The following AMZ1 variants were observed in gnomAD, a reference collection of about 807,000 sequenced individuals.
AMZ1 encodes the protein archaelysin family metallopeptidase 1, also known as archaemetzincin-1.
Under a neutral mutation model 29.9 loss-of-function variants are expected in AMZ1, and 39 were observed. The observed-to-expected ratio is 1.30, with a 90% CI of 1.01 to 1.70. The LOEUF (loss-of-function observed/expected upper bound fraction) is 1.70, where lower values mean the gene tolerates loss of function less well. Among genes scored for constraint, AMZ1 ranks in the 40% most tolerant of loss-of-function variants. The pLI, the probability that AMZ1 is intolerant of heterozygous loss-of-function variation, is 0.00. For synonymous variants in AMZ1, 458 were observed against 304.0 expected (o/e 1.51, Z -5.27); for missense variants, 1,041 against 680.6 (o/e 1.53, Z -5.89).
downstream of AMZ1, among the ~76,000 whole-genome samples, chr7:2,720,799 C>T (rs1028775283): frequency 6.6e-6 from 1 of 152,140 alleles, no homozygotes; most frequent in African/African-American, 2.4e-5. Flanking sequence ...CCTCAGCCTC[C>T]TAAGTAGCTG....
chr7:2,727,282 A>G (rs1467599427), intron 4 of AMZ1, among the ~76,000 whole-genome samples: 2 of 152,012 alleles, frequency 1.3e-5, no homozygotes, highest in African/African-American at 2.4e-5. Flanking sequence ...GGGTTTCACC[A>G]TGTTGGCCAG....
At chr7:2,697,484 C>A (rs1448277646) in intron 1 of AMZ1, among the ~76,000 whole-genome samples, 3 of 151,904 alleles carry the variant, frequency 2.0e-5, no homozygotes, top group Non-Finnish European at 2.9e-5. Flanking sequence ...AGTGCAGTGG[C>A]ACGATCATGG....
chr7:2,759,342 T>G (rs1193715238), intron 4 of AMZ1, among the ~76,000 whole-genome samples: 2 of 152,132 alleles, frequency 1.3e-5, no homozygotes. Flanking sequence ...ACCTTGCACT[T>G]CCTATGTGCC....
chr7:2,757,279 C>T (rs954028808), intron 4 of AMZ1, among the ~76,000 whole-genome samples: 4 of 139,044 alleles, frequency 2.9e-5, no homozygotes, highest in South Asian at 2.4e-4. Context: ...GGGACCGCAG[C>T]GCCCGCCACC....
chr7:2,693,203 G>A (rs1030677007), intron 1 of AMZ1, among the ~76,000 whole-genome samples: 1 of 151,602 alleles, frequency 6.6e-6, no homozygotes, highest in African/African-American at 2.4e-5. Context: ...CCGAGTTTAA[G>A]CAATTCTTCT....
chr7:2,739,399 G>C (rs1395066361), intron 4 of AMZ1, among the ~76,000 whole-genome samples: 1 of 152,160 alleles, frequency 6.6e-6, no homozygotes, highest in Non-Finnish European at 1.5e-5. Flanking sequence ...CTTTGTGTCT[G>C]GTTCTTTTAC....
intron 4 of AMZ1, among the ~76,000 whole-genome samples, chr7:2,736,694 T>G (rs566894417): frequency 1.3e-5 from 2 of 152,110 alleles, no homozygotes; most frequent in African/African-American, 4.8e-5. Flanking sequence ...CCTTCAGCAG[T>G]TTCTGGAAGC....
In AMZ1 at chr7:2,712,323, C is replaced by T. The variant is rs932332816; in HGVS notation, c.949-7C>T. The stretch of plus-strand genomic sequence containing the variant: ...GAGCAAACTCAGCCTGTGTTTCTCC[C>T]TCTTAGAGACTCTACACCTGGACTC... On this transcript the variant is annotated splice_polypyrimidine_tract_variant and splice_region_variant and intron_variant, in intron 6 of 6. Coordinates refer to ENST00000683327, the MANE Select transcript of AMZ1 (RefSeq NM_001384743.1). 13 of 1,560,652 alleles carry T rather than the reference C, an allele frequency of 8.3e-6. No individual in the cohort carries two copies. In the South Asian group the frequency reaches 1.3e-4, roughly 16 times the overall value.
At chr7:2,754,015 A>G (rs1791168446) in intron 4 of AMZ1, among the ~76,000 whole-genome samples, 1 of 152,172 alleles carries the variant, frequency 6.6e-6, no homozygotes, top group Admixed American at 6.5e-5. Context: ...ATCTACATCT[A>G]AACCCTTAAG....
At chr7:2,735,347 A>G (rs554935590) in intron 4 of AMZ1, among the ~76,000 whole-genome samples, 5 of 152,202 alleles carry the variant, frequency 3.3e-5, no homozygotes, top group Admixed American at 2.0e-4. Context: ...GCACGAAGGA[A>G]GCAGAGGCAG....
intron 1 of AMZ1, among the ~76,000 whole-genome samples, chr7:2,688,507 C>G (rs894254643): frequency 6.6e-6 from 1 of 152,106 alleles, no homozygotes; most frequent in Admixed American, 6.5e-5. Flanking sequence ...CGCCGGGGTC[C>G]GCACAGCCCC....
At chr7:2,763,998 G>A (rs1282149463), upstream of AMZ1, among the ~76,000 whole-genome samples, 3 of 152,202 alleles carry the variant, frequency 2.0e-5, no homozygotes, top group Admixed American at 6.5e-5. Flanking sequence ...CGCACCTAAA[G>A]TGAGGCTTGC....
chr7:2,705,527 C>T (rs1478162809), intron 3 of AMZ1, among the ~76,000 whole-genome samples: 4 of 152,228 alleles, frequency 2.6e-5, no homozygotes, highest in African/African-American at 9.7e-5. Flanking sequence ...AACCTTTCTC[C>T]TTAATCCACT....
intron 4 of AMZ1, chr7:2,730,561 C>T (rs1452780386): frequency 6.6e-6 from 1 of 152,488 alleles, no homozygotes; most frequent in African/African-American, 2.4e-5. Flanking sequence ...ATCTGAGAGG[C>T]TTGGACTAGG....
intron 3 of AMZ1, 148 bp downstream of exon 3, chr7:2,703,037 C>G: frequency 8.5e-7 from 1 of 1,170,860 alleles, no homozygotes; most frequent in Non-Finnish European, 1.2e-6. Flanking sequence ...GAAGCAGGAC[C>G]AAGCCGGAGA....
At chr7:2,722,213 C>T (rs539095525), downstream of AMZ1, among the ~76,000 whole-genome samples, 4 of 151,938 alleles carry the variant, frequency 2.6e-5, no homozygotes, top group African/African-American at 7.2e-5. Context: ...AATTTCCTGG[C>T]GACGCTTGTG....
At position 2,714,484 on chromosome 7, in the gene AMZ1, G is replaced by A. The variant is rs56399783; in HGVS notation, c.*1606G>A. 0.12 allele frequency: 18,596 copies of A among 152,402 alleles called. 1,273 individuals carry two copies. Among genetic ancestry groups the A allele is most frequent in the Middle Eastern group, 0.24 (72 of 294 alleles). The allele number at this position is 152,402 out of a possible 1,614,324, so 9.4% of individuals were successfully genotyped here. ...CTCTTTTGCGTAGCTTCAAAAAGGCGTAACAGTGACCTGGGAGGGGAGATG... is the reference window on the plus strand; with the variant it reads ...CTCTTTTGCGTAGCTTCAAAAAGGCATAACAGTGACCTGGGAGGGGAGATG... On this transcript the variant is annotated 3_prime_UTR_variant, in exon 7 of 7. Transcript: ENST00000683327.
Position 2,759,188 on chromosome 7 carries a change from T to TAAAA in AMZ1, n.551-5523_551-5520dup, listed in dbSNP as rs1554257558. Among the ~76,000 whole-genome samples the TAAAA allele has an allele frequency of 1.1e-3, 166 of 144,626 alleles. 1 individual carries two copies. Among genetic ancestry groups the TAAAA allele is most frequent in the Admixed American group, 3.4e-3 (50 of 14,604 alleles). 94.9% of individuals were successfully genotyped at this position (144,626 alleles called of 152,430 possible). A position where few individuals can be genotyped will look rare whatever the true frequency, so the allele number is the denominator to read the frequency against. ...ATAAATAAATAAATAAATAAATAAATAAAATAAAAATAAAAACCCCATGAT... is the reference window on the plus strand; with the variant it reads ...ATAAATAAATAAATAAATAAATAAATAAAAAAAATAAAAATAAAAACCCCATGAT... On this transcript the variant is annotated intron_variant and non_coding_transcript_variant, in intron 4 of 4. Transcript: ENST00000489665.
rs1163501377 is a variant in AMZ1, at chr7:2,712,948, C to A, written c.*70C>A. 1 of 1,426,814 alleles carries A rather than the reference C, an allele frequency of 7.0e-7. No individual in the cohort carries two copies. Among genetic ancestry groups the A allele is most frequent in the East Asian group, 2.6e-5 (1 of 38,872 alleles). The allele number at this position is 1,426,814 out of a possible 1,614,324, so 88.4% of individuals were successfully genotyped here. A position where few individuals can be genotyped will look rare whatever the true frequency, so the allele number is the denominator to read the frequency against. On this transcript the variant is annotated 3_prime_UTR_variant, in exon 7 of 7. Coordinates refer to ENST00000683327, the MANE Select transcript of AMZ1 (RefSeq NM_001384743.1). ...CAGCACTGTCCAGTAGCTGAGGCCA[C>A]TACTGACCTGCCAGGGATAAAGAGG...
Sources: allele counts gnomAD v4.1 joint callset (sites outside exome capture counted in the v4.1 genomes callset), GRCh38; gene constraint gnomAD v4.1.1; transcripts MANE v1.5; gene names NCBI Gene and HGNC (gene_info 2026-07-23, HGNC 2026-07-21).